Variants in STXBP6 observed in about 807,000 individuals in gnomAD.
STXBP6 encodes the protein syntaxin-binding protein 6.
In STXBP6, 21 loss-of-function variants were observed where a neutral mutation model predicts 26.9. That is an observed-to-expected ratio of 0.78 (90% CI 0.55 to 1.12). The LOEUF (loss-of-function observed/expected upper bound fraction) is 1.12, where lower values mean the gene tolerates loss of function less well. STXBP6 is among the 50% of genes most tolerant of loss of function. The pLI is 0.00. For missense variants in STXBP6, 232 were observed against 257.9 expected (o/e 0.90, Z 0.69); for synonymous variants, 97 against 92.6 (o/e 1.05, Z -0.27).
At chr14:24,975,054 G>T (rs953828556) in intron 1 of STXBP6, among the ~76,000 whole-genome samples, 1 of 152,200 alleles carries the variant, frequency 6.6e-6, no homozygotes, top group South Asian at 2.1e-4. Flanking sequence ...CAAAAAGGGG[G>T]TACTTATTTA....
At chr14:24,927,689 G>T (rs1304135778) in intron 2 of STXBP6, among the ~76,000 whole-genome samples, 1 of 152,174 alleles carries the variant, frequency 6.6e-6, no homozygotes, top group Admixed American at 6.5e-5. Context: ...TTGTCCAAGG[G>T]ATGGATTACA....
intron 2 of STXBP6, among the ~76,000 whole-genome samples, chr14:24,862,675 C>T (rs1164040724): frequency 6.6e-6 from 1 of 152,154 alleles, no homozygotes; most frequent in Non-Finnish European, 1.5e-5. Flanking sequence ...TAGGAAATTT[C>T]TCCAAAAGGG....
intron 2 of STXBP6, among the ~76,000 whole-genome samples, chr14:24,872,655 C>T (rs1002056992): frequency 3.3e-5 from 5 of 152,190 alleles, no homozygotes; most frequent in Non-Finnish European, 5.9e-5. Context: ...AGGAAGTCAA[C>T]GAGAGTAGGG....
chr14:24,967,486 A>G (rs1282198163), intron 2 of STXBP6, among the ~76,000 whole-genome samples: 3 of 152,244 alleles, frequency 2.0e-5, no homozygotes, highest in East Asian at 3.8e-4. Flanking sequence ...TGTTTTACAA[A>G]TGCTTTAATC....
chr14:24,862,895 G>A (rs762632914), intron 2 of STXBP6, among the ~76,000 whole-genome samples: 1 of 152,084 alleles, frequency 6.6e-6, no homozygotes, highest in Non-Finnish European at 1.5e-5. Flanking sequence ...CTTTGCAGGC[G>A]GTACTAGCTG....
At chr14:24,846,542 G>A (rs777221808) in intron 4 of STXBP6, among the ~76,000 whole-genome samples, 2 of 152,132 alleles carry the variant, frequency 1.3e-5, no homozygotes, top group Admixed American at 6.5e-5. Flanking sequence ...TGGGAGAGTG[G>A]ATGTCCATAA....
chr14:24,990,515 G>A (rs1030976799), intron 1 of STXBP6, among the ~76,000 whole-genome samples: 7 of 151,908 alleles, frequency 4.6e-5, no homozygotes, highest in South Asian at 2.1e-4. Context: ...AAAATTAGCC[G>A]GGCGTGATGG....
chr14:24,865,746 C>T (rs1424080130), intron 2 of STXBP6, among the ~76,000 whole-genome samples: 3 of 152,062 alleles, frequency 2.0e-5, no homozygotes, highest in African/African-American at 7.2e-5. Flanking sequence ...ACAAGCAATG[C>T]TCTAGTCCTG....
At chr14:24,971,928 T>A (rs1019189373) in intron 2 of STXBP6, among the ~76,000 whole-genome samples, 5 of 152,160 alleles carry the variant, frequency 3.3e-5, no homozygotes, top group African/African-American at 1.2e-4. Flanking sequence ...CACAGAAAAA[T>A]TCTTAATAAA....
intron 2 of STXBP6, among the ~76,000 whole-genome samples, chr14:24,867,139 C>T (rs756791490): frequency 4.1e-4 from 62 of 152,118 alleles, no homozygotes; most frequent in Non-Finnish European, 7.2e-4. Context: ...TCCAACCTCA[C>T]GAATGAATTT....
intron 1 of STXBP6, among the ~76,000 whole-genome samples, chr14:24,989,491 C>T (rs1344284201): frequency 1.3e-5 from 2 of 152,186 alleles, no homozygotes; most frequent in Non-Finnish European, 2.9e-5. Context: ...ATCACATAGT[C>T]ATCTTAGAAT....
chr14:24,972,355 T>G (rs2073929504), intron 2 of STXBP6, among the ~76,000 whole-genome samples: 1 of 152,214 alleles, frequency 6.6e-6, no homozygotes, highest in Non-Finnish European at 1.5e-5. Flanking sequence ...GGTTATGCTA[T>G]TTCACTGAGA....
intron 2 of STXBP6, among the ~76,000 whole-genome samples, chr14:24,945,221 T>C (rs1465758646): frequency 6.9e-6 from 1 of 144,974 alleles, no homozygotes; most frequent in Non-Finnish European, 1.5e-5. Flanking sequence ...TGTGTTGTAG[T>C]GGACCCCAGA....
At chr14:24,858,001 T>C (rs796999354) in intron 2 of STXBP6, among the ~76,000 whole-genome samples, 7 of 152,214 alleles carry the variant, frequency 4.6e-5, no homozygotes, top group African/African-American at 1.4e-4. Flanking sequence ...ACCCTGGCTA[T>C]AGGAATTAGC....
At chr14:24,963,970 TAAA>T (rs768793147) in intron 2 of STXBP6, among the ~76,000 whole-genome samples, 1 of 64,716 alleles carries the variant, frequency 1.5e-5, no homozygotes, top group African/African-American at 5.9e-5. Flanking sequence ...AGCAAGTTTC[TAAA>T]AAAAAAAAAA....
intron 2 of STXBP6, among the ~76,000 whole-genome samples, chr14:24,901,751 A>G (rs1244636652): frequency 6.6e-6 from 1 of 152,110 alleles, no homozygotes; most frequent in Non-Finnish European, 1.5e-5. Context: ...AGAAATCAAA[A>G]CCTAAAAGAG....
intron 1 of STXBP6, among the ~76,000 whole-genome samples, chr14:24,985,710 C>A (rs2074313385): frequency 6.6e-6 from 1 of 152,208 alleles, no homozygotes; most frequent in Non-Finnish European, 1.5e-5. Flanking sequence ...GCAAGATATT[C>A]ACAAATAAGC....
At chr14:24,988,014 G>T in intron 1 of STXBP6, 1 of 344,306 alleles carries the variant, frequency 2.9e-6, no homozygotes, top group Non-Finnish European at 4.1e-6. Context: ...GCCAATCAAT[G>T]CAGCAGCTGA....
chr14:24,848,865 G>A (rs1251765865), intron 4 of STXBP6, among the ~76,000 whole-genome samples: 2 of 152,094 alleles, frequency 1.3e-5, no homozygotes, highest in Non-Finnish European at 2.9e-5. Context: ...GAGGAAATAT[G>A]AGAAAACACA....
Sources: gnomAD v4.1 joint callset for allele counts (sites outside exome capture counted in the v4.1 genomes callset) on GRCh38, gnomAD v4.1.1 for gene constraint, MANE v1.5 for transcripts, NCBI Gene and HGNC (gene_info 2026-07-23, HGNC 2026-07-21) for gene names.